CTNNA1: variants seen among roughly 807,000 people sequenced by gnomAD.
The protein encoded by CTNNA1 is catenin alpha-1.
A neutral mutation model predicts 98.4 loss-of-function variants in CTNNA1; 37 were observed. The observed-to-expected ratio is 0.38, with a 90% CI of 0.29 to 0.49. The LOEUF is 0.49. Among genes scored for constraint, CTNNA1 ranks in the 20% least tolerant of loss-of-function variants. The pLI, the probability that CTNNA1 is intolerant of heterozygous loss-of-function variation, is 0.95. For synonymous variants in CTNNA1, 404 were observed against 413.2 expected, an observed-to-expected ratio of 0.98 and a Z score of 0.27; for missense variants, 761 against 1,147.2, an observed-to-expected ratio of 0.66 and a Z score of 4.86.
intron 7 of CTNNA1, among the ~76,000 whole-genome samples, chr5:138,858,712 C>T (rs1324277399): frequency 2.0e-5 from 3 of 150,878 alleles, no homozygotes; most frequent in African/African-American, 7.3e-5. Flanking sequence ...TCTCCTGTCT[C>T]AGCCTCCCAA....
intron 7 of CTNNA1, chr5:138,880,755 A>C (rs1752708604): frequency 3.4e-6 from 1 of 295,758 alleles, no homozygotes; most frequent in African/African-American, 2.2e-5. Context: ...GTTCATACTT[A>C]CTTGAAGAAT....
chr5:138,930,594 ACATCATTG>A lies in CTNNA1; in HGVS notation c.2133_2140del (p.Ile712AlafsTer19). On this transcript the variant is annotated frameshift_variant, in exon 15 of 18. Transcript: ENST00000302763. LOFTEE classifies it high-confidence loss of function. ...TCCAAATGGGACGACAGTGGCAATG[ACATCATTG>A]TGCTGGCCAAGCAGATGTGCATGAT... The A allele has an allele frequency of 6.2e-7, 1 of 1,613,962 alleles. No homozygotes were observed. The highest frequency in any genetic ancestry group is 8.5e-7 in the Non-Finnish European group (1 of 1,179,982).
chr5:138,762,442 T>G (rs75399878), intron 1 of CTNNA1, among the ~76,000 whole-genome samples: 18 of 152,258 alleles, frequency 1.2e-4, no homozygotes, highest in Non-Finnish European at 2.1e-4. Context: ...AATGTCAACA[T>G]TGCCCTTTCT....
intron 3 of CTNNA1, among the ~76,000 whole-genome samples, chr5:138,802,361 G>A (rs753028862): frequency 6.6e-6 from 1 of 152,024 alleles, no homozygotes; most frequent in Non-Finnish European, 1.5e-5. Flanking sequence ...TGTAGAGATG[G>A]GGTCTCACTT....
chr5:138,880,995 T>G lies in CTNNA1; in HGVS notation c.1063-5217T>G, dbSNP rs566086264. The G allele has an allele frequency of 6.9e-5, 31 of 448,250 alleles. No homozygotes were observed. In the Middle Eastern group the frequency reaches 1.6e-3, roughly 24 times the overall value. 27.8% of individuals were successfully genotyped at this position (448,250 alleles called of 1,614,324 possible). On this transcript the variant is annotated intron_variant, in intron 7 of 17. Transcript: ENST00000302763. ...TAATGCAAAGAAAATTCATAAAAAT[T>G]TGGCCCAAAGAGAACAAGATCATTT...
chr5:138,874,240 T>A lies in CTNNA1; in HGVS notation c.1063-11972T>A. ...AGATTAATTCCTTAAGTTTATATAG[T>A]CCTTGAAAAGCATCTTCTTTTACTG... On this transcript the variant is annotated intron_variant, in intron 7 of 17. Coordinates refer to ENST00000302763, the MANE Select transcript of CTNNA1 (RefSeq NM_001903.5). This position sits in a 1 kb window ranked among gnomAD's most constrained non-coding sequence, Gnocchi z 4.1. 6.2e-7 allele frequency: 1 copy of A among 1,614,036 alleles called. No homozygotes were observed. The highest frequency in any genetic ancestry group is 1.3e-5 in the African/African-American group (1 of 75,066).
chr5:138,835,251 C>T (rs1348319002), intron 7 of CTNNA1, among the ~76,000 whole-genome samples: 2 of 152,142 alleles, frequency 1.3e-5, no homozygotes, highest in Admixed American at 1.3e-4. Context: ...AGCTTGGGCT[C>T]AGAGGCCTGA....
chr5:138,857,809 T>A (rs1213360436), intron 7 of CTNNA1, among the ~76,000 whole-genome samples: 2 of 152,204 alleles, frequency 1.3e-5, no homozygotes, highest in African/African-American at 4.8e-5. Flanking sequence ...CCTTAACCAC[T>A]GTGCAACACT....
intron 5 of CTNNA1, among the ~76,000 whole-genome samples, chr5:138,817,613 TTTTG>T (rs987597259): frequency 1.3e-5 from 2 of 152,196 alleles, no homozygotes; most frequent in Admixed American, 6.5e-5. Flanking sequence ...TTTCATTGTT[TTTTG>T]TTTGTTTGTT....
chr5:138,879,171 T>TC (rs1294788455), intron 7 of CTNNA1, among the ~76,000 whole-genome samples: 1 of 80,318 alleles, frequency 1.2e-5, no homozygotes, highest in Non-Finnish European at 2.2e-5. Context: ...ACTCCGTCTT[T>TC]AAAAAAAAAA....
chr5:138,856,959 A>G (rs1763782270), intron 7 of CTNNA1, among the ~76,000 whole-genome samples: 1 of 152,178 alleles, frequency 6.6e-6, no homozygotes. Flanking sequence ...GGGAACTCCA[A>G]GGCTGTCTTT....
intron 9 of CTNNA1, among the ~76,000 whole-genome samples, chr5:138,891,532 G>A (rs1755348914): frequency 6.6e-6 from 1 of 152,166 alleles, no homozygotes; most frequent in African/African-American, 2.4e-5. Context: ...AGGCGGAGGT[G>A]GGCAGATCAC....
Position 138,873,302 on chromosome 5 carries a change from G to A in CTNNA1, c.1063-12910G>A. 3.1e-6 allele frequency: 5 copies of A among 1,614,072 alleles called. No homozygotes were observed. Among genetic ancestry groups the A allele is most frequent in the Non-Finnish European group, 4.2e-6 (5 of 1,179,904 alleles). On this transcript the variant is annotated intron_variant, in intron 7 of 17. Transcript: ENST00000302763. This position sits in a 1 kb window ranked among gnomAD's most constrained non-coding sequence, Gnocchi z 6.1. ...CATTGTTCCCGTAATTACCCGCTGA[G>A]TGAAGATGGCATTGTCTGGTTCAGG... is the stretch of plus-strand genomic sequence containing the variant.
intron 9 of CTNNA1, among the ~76,000 whole-genome samples, chr5:138,898,764 C>T (rs1358740327): frequency 6.6e-6 from 1 of 152,196 alleles, no homozygotes; most frequent in African/African-American, 2.4e-5. Context: ...TTGTCTTTCC[C>T]ATCATTCTCT....
rs1159133669 is a variant in CTNNA1, at chr5:138,925,421, T to C, written c.1899+14T>C. 5.0e-6 allele frequency: 8 copies of C among 1,612,142 alleles called. No homozygotes were observed. Among genetic ancestry groups the C allele is most frequent in the Non-Finnish European group, 6.8e-6 (8 of 1,179,134 alleles). The stretch of plus-strand genomic sequence containing the variant: ...CTGATGATAAGGGTGAGTAACTGCA[T>C]TTCAGACGTCTTAACAGCTTCTTTC... On this transcript the variant is annotated intron_variant, in intron 13 of 17. Transcript: ENST00000302763.
chr5:138,841,294 C>T (rs550560163), intron 7 of CTNNA1, among the ~76,000 whole-genome samples: 1 of 152,274 alleles, frequency 6.6e-6, no homozygotes, highest in South Asian at 2.1e-4. Flanking sequence ...GAGTTTCCCT[C>T]TGTCACCTGG....
At chr5:138,864,076 C>T (rs539540407) in intron 7 of CTNNA1, among the ~76,000 whole-genome samples, 9 of 152,294 alleles carry the variant, frequency 5.9e-5, no homozygotes, top group Admixed American at 4.6e-4. Context: ...GATCCTCCCA[C>T]CTCAGCCTCC....
intron 1 of CTNNA1, among the ~76,000 whole-genome samples, chr5:138,763,940 C>T (rs1450717718): frequency 1.3e-5 from 2 of 152,200 alleles, no homozygotes; most frequent in Non-Finnish European, 2.9e-5. Flanking sequence ...CCTTTAATCC[C>T]AGCACTTTGG....
chr5:138,854,184 A>G (rs1581278326), intron 7 of CTNNA1, among the ~76,000 whole-genome samples: 1 of 152,218 alleles, frequency 6.6e-6, no homozygotes, highest in Non-Finnish European at 1.5e-5. Flanking sequence ...ATGTGTGTGG[A>G]TATCTGCGAA....
Sources: gnomAD v4.1 joint callset for allele counts (sites outside exome capture counted in the v4.1 genomes callset) on GRCh38, gnomAD v4.1.1 for gene constraint, Gnocchi (gnomAD v3.1) non-coding constraint, MANE v1.5 for transcripts, NCBI Gene and HGNC (gene_info 2026-07-23, HGNC 2026-07-21) for gene names.